Variants in GFPT2 observed in about 807,000 individuals in gnomAD.
GFPT2 encodes the protein glutamine--fructose-6-phosphate aminotransferase [isomerizing] 2.
A neutral mutation model predicts 85.6 loss-of-function variants in GFPT2; 62 were observed. That is an observed-to-expected ratio of 0.72 (90% CI 0.59 to 0.90). The LOEUF is 0.90. Ranked by LOEUF, GFPT2 falls within the 40% of genes least tolerant of loss-of-function variation. The pLI, the probability that GFPT2 is intolerant of heterozygous loss-of-function variation, is 0.00. For missense variants in GFPT2, 788 were observed against 893.4 expected, an observed-to-expected ratio of 0.88 and a Z score of 1.50; for synonymous variants, 368 against 344.5, an observed-to-expected ratio of 1.07 and a Z score of -0.75.
In GFPT2 at chr5:180,330,691, G is replaced by A. The variant is rs372862994; in HGVS notation, c.534+9C>T. On this transcript the variant is annotated intron_variant, in intron 6 of 18. Coordinates refer to ENST00000253778, the MANE Select transcript of GFPT2 (RefSeq NM_005110.4). This position sits in a 1 kb window ranked among gnomAD's most constrained non-coding sequence, Gnocchi z 4.4. ...GGAATGAGTTAGACAGATGGGATTT[G>A]TAACTCACCAACTGCTGAATGACTC... The A allele has an allele frequency of 1.4e-5, 23 of 1,608,330 alleles. No homozygotes were observed. In the African/African-American group the frequency reaches 2.1e-4, roughly 15 times the overall value.
intron 7 of GFPT2, among the ~76,000 whole-genome samples, chr5:180,326,067 T>A (rs1480008528): frequency 6.6e-6 from 1 of 152,152 alleles, no homozygotes; most frequent in Non-Finnish European, 1.5e-5. Context: ...TCTCATGATT[T>A]AAATGATATC....
At position 180,336,469 on chromosome 5, in the gene GFPT2, C is replaced by T. The variant is rs745427165; in HGVS notation, c.214+10G>A. The T allele has an allele frequency of 1.6e-5, 24 of 1,485,088 alleles. No individual in the cohort carries two copies. In the Admixed American group the frequency reaches 3.8e-4, roughly 24 times the overall value. The allele number at this position is 1,485,088 out of a possible 1,614,324, so 92.0% of individuals were successfully genotyped here. On this transcript the variant is annotated intron_variant, in intron 3 of 18. Coordinates refer to ENST00000253778, the MANE Select transcript of GFPT2 (RefSeq NM_005110.4). ...CAGCGGCTCCTCCCACTCAGAGGTC[C>T]TCCACTTACTGTAAAGTTCTTCATC...
At chr5:180,303,506 A>C (rs1763719525) in intron 17 of GFPT2, among the ~76,000 whole-genome samples, 1 of 152,206 alleles carries the variant, frequency 6.6e-6, no homozygotes. Flanking sequence ...TCACTGAAAC[A>C]GGAGGAAAGG....
intron 1 of GFPT2, among the ~76,000 whole-genome samples, chr5:180,342,560 G>A (rs1764538391): frequency 6.6e-6 from 1 of 150,750 alleles, no homozygotes; most frequent in South Asian, 2.2e-4. Context: ...ACAGGCATAA[G>A]CCACAGTGCC....
chr5:180,338,139 T>C (rs1764439133), intron 2 of GFPT2, among the ~76,000 whole-genome samples: 1 of 152,152 alleles, frequency 6.6e-6, no homozygotes, highest in Non-Finnish European at 1.5e-5. Context: ...AAATCTACCC[T>C]TTTGGCAAAT....
chr5:180,339,886 A>G (rs1561883372), intron 1 of GFPT2, among the ~76,000 whole-genome samples: 1 of 152,244 alleles, frequency 6.6e-6, no homozygotes, highest in East Asian at 1.9e-4. Flanking sequence ...GTGGAACAGA[A>G]TATGTGATGA....
chr5:180,337,271 G>A lies in GFPT2; in HGVS notation c.116-694C>T, dbSNP rs566131673. Among the ~76,000 whole-genome samples the A allele has an allele frequency of 1.1e-3, 169 of 152,242 alleles. 4 individuals carry two copies. Among genetic ancestry groups the A allele is most frequent in the Middle Eastern group, 3.4e-3 (1 of 294 alleles). ...AGATTGAGACCATCCTGGTCAACAC[G>A]GTGAAACCCCGTCTCTACTAAAAGT... On this transcript the variant is annotated intron_variant, in intron 2 of 18. Coordinates refer to ENST00000253778, the MANE Select transcript of GFPT2 (RefSeq NM_005110.4).
intron 15 of GFPT2, among the ~76,000 whole-genome samples, chr5:180,309,038 T>A (rs917254579): frequency 5.3e-5 from 8 of 152,102 alleles, no homozygotes; most frequent in African/African-American, 1.7e-4. Context: ...CCCAGCTAAA[T>A]TTTTTAAATA....
intron 1 of GFPT2, among the ~76,000 whole-genome samples, chr5:180,339,378 CAA>C (rs34123923): frequency 4.6e-4 from 30 of 64,988 alleles, no homozygotes; most frequent in Middle Eastern, 8.1e-3. Context: ...GACTCTGTCT[CAA>C]AAAAAAAAAA....
intron 13 of GFPT2, among the ~76,000 whole-genome samples, chr5:180,314,515 T>C (rs1763963985): frequency 6.6e-6 from 1 of 152,222 alleles, no homozygotes; most frequent in Non-Finnish European, 1.5e-5. Context: ...AAGCTCCCTA[T>C]GTTTGTGAGT....
In GFPT2 at chr5:180,338,599, T is replaced by G. The variant is rs1166496560; in HGVS notation, c.9A>C (p.Gly3=). 1 of 1,578,750 alleles carries G rather than the reference T, an allele frequency of 6.3e-7. No homozygotes were observed. The highest frequency in any genetic ancestry group is 1.3e-5 in the African/African-American group (1 of 74,166). MC[G]IFAYMNYRVP... is the part of the protein sequence containing the mutation. ...CTCTGTAGTTCATGTAGGCAAAGATTCCTGTTCAAAGAGAAAAAAATGGTG... is the reference window on the plus strand; with the variant it reads ...CTCTGTAGTTCATGTAGGCAAAGATGCCTGTTCAAAGAGAAAAAAATGGTG... Residue 3 remains glycine, a splice_region_variant and synonymous_variant, in exon 2 of 19, where the codon GGA becomes GGC. Transcript: ENST00000253778.
Position 180,323,715 on chromosome 5 carries a change from C to A in GFPT2, c.794+473G>T, listed in dbSNP as rs1052372019. On this transcript the variant is annotated intron_variant, in intron 9 of 18. Coordinates refer to ENST00000253778, the MANE Select transcript of GFPT2 (RefSeq NM_005110.4). This position sits in a 1 kb window ranked among gnomAD's most constrained non-coding sequence, Gnocchi z 4.0. ...GCTCTGTCTTTCACAAATGGTCTCA[C>A]CCCAGGCAAAGGCAGGGAGGGGCAT... 2.6e-5 allele frequency among the ~76,000 whole-genome samples: 4 copies of A among 152,094 alleles called. No individual in the cohort carries two copies. Among genetic ancestry groups the A allele is most frequent in the Non-Finnish European group, 5.9e-5 (4 of 68,020 alleles).
chr5:180,350,940 C>T (rs1318232858), intron 1 of GFPT2, among the ~76,000 whole-genome samples: 3 of 152,194 alleles, frequency 2.0e-5, no homozygotes, highest in African/African-American at 4.8e-5. Flanking sequence ...ATCTGAGACC[C>T]GAGGCCTGCT....
chr5:180,326,024 C>CTAAATAAATAAA lies in GFPT2; in HGVS notation c.597-1141_597-1130dup, dbSNP rs60825853. Reference sequence around the variant, plus strand: ...TGGGCGACAAAGCGAGACTCCATCTCTAAATAAATAAATAAATAAATAAAT... The same window carrying CTAAATAAATAAA: ...TGGGCGACAAAGCGAGACTCCATCTCTAAATAAATAAATAAATAAATAAATAAATAAATAAAT... On this transcript the variant is annotated intron_variant, in intron 7 of 18. Coordinates refer to ENST00000253778, the MANE Select transcript of GFPT2 (RefSeq NM_005110.4). Among the ~76,000 whole-genome samples, 76 of 150,744 alleles carry CTAAATAAATAAA rather than the reference C, an allele frequency of 5.0e-4. 1 individual carries two copies. Among genetic ancestry groups the CTAAATAAATAAA allele is most frequent in the African/African-American group, 1.5e-3 (61 of 41,190 alleles).
chr5:180,343,315 G>C (rs551857722), intron 1 of GFPT2, among the ~76,000 whole-genome samples: 2 of 152,174 alleles, frequency 1.3e-5, no homozygotes, highest in Admixed American at 1.3e-4. Context: ...GCAAGGCACC[G>C]CTGACTTTCA....
chr5:180,339,047 C>T (rs771888930), intron 1 of GFPT2, among the ~76,000 whole-genome samples: 12 of 152,274 alleles, frequency 7.9e-5, no homozygotes, highest in Non-Finnish European at 1.5e-4. Context: ...TTTGCTTCCA[C>T]GGTCCCCTTC....
Position 180,318,972 on chromosome 5 carries a change from C to T in GFPT2, c.795-16G>A, listed in dbSNP as rs200271260. ...TATGATAGCGCTGGGGCAAGGGAAA[C>T]AGGCATCATCAGTGCCCTGCCCTGA... is the stretch of plus-strand genomic sequence containing the variant. On this transcript the variant is annotated splice_polypyrimidine_tract_variant and intron_variant, in intron 9 of 18. Coordinates refer to ENST00000253778, the MANE Select transcript of GFPT2 (RefSeq NM_005110.4). This position sits in a 1 kb window ranked among gnomAD's most constrained non-coding sequence, Gnocchi z 4.2. 58 of 1,609,498 alleles carry T rather than the reference C, an allele frequency of 3.6e-5. No individual in the cohort carries two copies. The highest frequency in any genetic ancestry group is 3.3e-4 in the Middle Eastern group (2 of 6,054).
rs1225306109 is a variant in GFPT2, at chr5:180,318,677, T to C, written c.958+116A>G. On this transcript the variant is annotated intron_variant, in intron 10 of 18. Coordinates refer to ENST00000253778, the MANE Select transcript of GFPT2 (RefSeq NM_005110.4). The surrounding 1 kb of genome is among the most constrained non-coding windows in gnomAD (Gnocchi z 4.2). ...CAGGCTACCTGCAGCCCCGCCCTGG[T>C]GGCCACAGAGGGCAGGAGGGCTGTG... is the stretch of plus-strand genomic sequence containing the variant. 3 of 858,602 alleles carry C rather than the reference T, an allele frequency of 3.5e-6. No homozygotes were observed. Among genetic ancestry groups the C allele is most frequent in the Non-Finnish European group, 3.7e-6 (2 of 546,156 alleles). 53.2% of individuals were successfully genotyped at this position (858,602 alleles called of 1,614,324 possible).
At position 180,318,955 on chromosome 5, in the gene GFPT2, C is replaced by T. The variant is rs529762937; in HGVS notation, c.796G>A (p.Ala266Thr). 9 of 1,611,942 alleles carry T rather than the reference C, an allele frequency of 5.6e-6. No homozygotes were observed. The highest frequency in any genetic ancestry group is 2.2e-5 in the East Asian group (1 of 44,876). The change falls in exon 10 of 19, where the codon GCT (alanine) becomes ACT (threonine). Residue 266 changes from alanine (A) to threonine (T), a missense_variant and splice_region_variant. Physicochemically the swap from Ala to Thr is moderately conservative, Grantham distance 58. Coordinates refer to ENST00000253778, the MANE Select transcript of GFPT2 (RefSeq NM_005110.4). This position sits in a 1 kb window ranked among gnomAD's most constrained non-coding sequence, Gnocchi z 4.2. ...ACCCGGTTGGTGTGCTCTATGATAG[C>T]GCTGGGGCAAGGGAAACAGGCATCA... Reference protein sequence around the residue: ...VEFFFASDASAIIEHTNRVIF... With the variant: ...VEFFFASDASTIIEHTNRVIF...
Sources: gnomAD v4.1 joint callset for allele counts (sites outside exome capture counted in the v4.1 genomes callset) on GRCh38, gnomAD v4.1.1 for gene constraint, Gnocchi (gnomAD v3.1) non-coding constraint, MANE v1.5 for transcripts, NCBI Gene and HGNC (gene_info 2026-07-23, HGNC 2026-07-21) for gene names.